UNC50: variants seen among roughly 807,000 people sequenced by gnomAD.
UNC50 encodes unc-50 inner nuclear membrane RNA binding protein.
Under a neutral mutation model 31.5 loss-of-function variants are expected in UNC50, and 24 were observed. The observed-to-expected ratio is 0.76, with a 90% CI of 0.55 to 1.07. UNC50 has a LOEUF of 1.07. Ranked by LOEUF, UNC50 falls within the 50% of genes least tolerant of loss-of-function variation. The probability of loss-of-function intolerance (pLI) is 0.00; values close to 1 mark genes in which losing one functional copy is unlikely to be tolerated. For synonymous variants in UNC50, 118 were observed against 114.7 expected (o/e 1.03, Z -0.18); for missense variants, 245 against 304.2 (o/e 0.81, Z 1.45).
chr2:98,608,929 T>G, intron 1 of UNC50: 1 of 213,340 alleles, frequency 4.7e-6, no homozygotes, highest in South Asian at 5.9e-5. Flanking sequence ...GAGCATTTAG[T>G]ATAAGCATGT....
chr2:98,617,697 T>G (rs558398848), intron 5 of UNC50, among the ~76,000 whole-genome samples: 2 of 152,302 alleles, frequency 1.3e-5, no homozygotes, highest in East Asian at 3.9e-4. Flanking sequence ...CCTGGGCTAC[T>G]AGTTGAGCTC....
chr2:98,609,965 A>T lies in UNC50; in HGVS notation c.206A>T (p.Tyr69Phe). Residue 69 changes from tyrosine (Y) to phenylalanine (F), a missense_variant, in exon 2 of 6, where the codon TAT becomes TTT. Physicochemically the swap from Tyr to Phe is conservative, Grantham distance 22. Transcript: ENST00000357765. ...SPQRVYRNFH[Y>F]RKQTKDQWAR... is the part of the protein sequence containing the mutation. ...CAGAGAGTTTACAGAAATTTTCATTATCGAAAACAGACGAAGGACCAGTGG... is the reference window on the plus strand; with the variant it reads ...CAGAGAGTTTACAGAAATTTTCATTTTCGAAAACAGACGAAGGACCAGTGG... 6.2e-7 allele frequency: 1 copy of T among 1,614,232 alleles called. No individual in the cohort carries two copies. The highest frequency in any genetic ancestry group is 1.1e-5 in the South Asian group (1 of 91,088).
chr2:98,618,138 T>TTTTA, intron 5 of UNC50, 30 bp from the exon 6 acceptor site: 1 of 1,465,988 alleles, frequency 6.8e-7, no homozygotes, highest in Non-Finnish European at 9.0e-7. Context: ...TTTTTTTTTT[T>TTTTA]AAATCAGTTT....
At chr2:98,614,578 C>A (rs975300749) in intron 3 of UNC50, among the ~76,000 whole-genome samples, 1 of 152,122 alleles carries the variant, frequency 6.6e-6, no homozygotes, top group African/African-American at 2.4e-5. Context: ...AACCACAGTG[C>A]CTTGGAGTGC....
intron 5 of UNC50, among the ~76,000 whole-genome samples, chr2:98,616,774 C>T (rs972750319): frequency 2.0e-5 from 3 of 152,154 alleles, no homozygotes; most frequent in Admixed American, 6.5e-5. Flanking sequence ...AATGGCCTAG[C>T]TGGTATATAA....
At chr2:98,612,961 G>C (rs1012077600) in intron 3 of UNC50, among the ~76,000 whole-genome samples, 2 of 152,194 alleles carry the variant, frequency 1.3e-5, no homozygotes, top group Non-Finnish European at 2.9e-5. Context: ...GGCATATGCT[G>C]CTGGAAAAAT....
intron 5 of UNC50, among the ~76,000 whole-genome samples, chr2:98,617,357 TA>T: frequency 6.6e-6 from 1 of 152,296 alleles, no homozygotes; most frequent in Middle Eastern, 3.4e-3. Flanking sequence ...AGGGAACACT[TA>T]ACCCCTTCAT....
intron 5 of UNC50, among the ~76,000 whole-genome samples, chr2:98,617,637 A>ATAT (rs1306416185): frequency 3.3e-5 from 5 of 152,204 alleles, no homozygotes; most frequent in African/African-American, 1.2e-4. Flanking sequence ...AGAAACATCA[A>ATAT]TATTTGGAGC....
chr2:98,609,709 A>AAG (rs1700789011), intron 1 of UNC50, 47 bp from the exon 2 acceptor site: 1 of 1,609,812 alleles, frequency 6.2e-7, no homozygotes, highest in African/African-American at 1.3e-5. Context: ...CGGTAGCCAA[A>AAG]TGTTTCTTCA....
chr2:98,611,712 A>G (rs1700831959), intron 3 of UNC50, among the ~76,000 whole-genome samples: 1 of 152,196 alleles, frequency 6.6e-6, no homozygotes, highest in Admixed American at 6.5e-5. Context: ...TTGCAAAAAT[A>G]TTACAGATTT....
chr2:98,611,308 T>G (rs1192842529), intron 3 of UNC50, among the ~76,000 whole-genome samples: 1 of 152,202 alleles, frequency 6.6e-6, no homozygotes, highest in East Asian at 1.9e-4. Context: ...ATGTGTAAAA[T>G]GTACATTGTT....
Position 98,618,302 on chromosome 2 carries a change from TAA to T in UNC50, c.*2_*3del. The T allele has an allele frequency of 6.3e-7, 1 of 1,588,740 alleles. No individual in the cohort carries two copies. Among genetic ancestry groups the T allele is most frequent in the Non-Finnish European group, 8.5e-7 (1 of 1,172,824 alleles). Reference sequence around the variant, plus strand: ...TTCTTTCTATAAGTACAGAGTGAAATAAAAAGTGAGAAGAAGATTCAATCGTA... The same window carrying T: ...TTCTTTCTATAAGTACAGAGTGAAATAAAGTGAGAAGAAGATTCAATCGTA... ...LCSFYKYRVK* is the reference protein window; with the variant it reads ...LCSFYKYRVKX On this transcript the variant is annotated frameshift_variant and stop_lost, in exon 6 of 6. Transcript: ENST00000357765. LOFTEE classifies it high-confidence loss of function.
In UNC50 at chr2:98,618,179, T is replaced by C. The variant is rs1471650013; in HGVS notation, c.655T>C (p.Leu219=). ...CCTTTCTTTTCCAGCATTGCCATTT[T>C]TGAAAAATACAGTAATTCTTCTGTA... is the stretch of plus-strand genomic sequence containing the variant. ...TFLGYSALPF[L]KNTVILLYPF... Residue 219 remains leucine (L), a synonymous_variant, in exon 6 of 6, where the codon TTG becomes CTG. Coordinates refer to ENST00000357765, the MANE Select transcript of UNC50 (RefSeq NM_014044.7). 3.8e-6 allele frequency: 6 copies of C among 1,575,442 alleles called. No homozygotes were observed. The African/African-American group carries it at 6.8e-5, about 18-fold the overall frequency.
rs1187501124 is a variant in UNC50, at chr2:98,618,213, C to T, written c.689C>T (p.Ala230Val). The change falls in exon 6 of 6, where the codon GCA (alanine) becomes GTA (valine). Residue 230 changes from alanine to valine, a missense_variant. By Grantham distance (64) the Ala-to-Val change is moderately conservative. Coordinates refer to ENST00000357765, the MANE Select transcript of UNC50 (RefSeq NM_014044.7). ...KNTVILLYPF[A>V]PLILLYGLSL... ...ACAGTAATTCTTCTGTATCCATTTG[C>T]ACCTCTGATTCTGCTCTACGGGCTT... 1 of 1,610,658 alleles carries T rather than the reference C, an allele frequency of 6.2e-7. No individual in the cohort carries two copies. The highest frequency in any genetic ancestry group is 1.3e-5 in the African/African-American group (1 of 74,534).
Position 98,613,906 on chromosome 2 carries a change from GGAATA to G in UNC50, c.402-2299_402-2295del, listed in dbSNP as rs1700878798. 2.0e-5 allele frequency among the ~76,000 whole-genome samples: 3 copies of G among 152,228 alleles called. No homozygotes were observed. The South Asian group carries it at 6.2e-4, about 32-fold the overall frequency. On this transcript the variant is annotated intron_variant, in intron 3 of 5. Coordinates refer to ENST00000357765, the MANE Select transcript of UNC50 (RefSeq NM_014044.7). ...ATAAGGTGGTGGTTTGTGGAGATGGGGAATAGTTGACTCCTGGTGCTGGGAATTGC... is the reference window on the plus strand; with the variant it reads ...ATAAGGTGGTGGTTTGTGGAGATGGGGTTGACTCCTGGTGCTGGGAATTGC...
At position 98,618,481 on chromosome 2, in the gene UNC50, T is replaced by TTAGTACATTCCTTAAAACTAATTAAATTA. The variant is rs1416830653; in HGVS notation, c.*177_*178insTAGTACATTCCTTAAAACTAATTAAATTA. 1.3e-5 allele frequency: 6 copies of TTAGTACATTCCTTAAAACTAATTAAATTA among 465,526 alleles called. No homozygotes were observed. The highest frequency in any genetic ancestry group is 3.7e-5 in the East Asian group (1 of 27,234). 28.8% of individuals were successfully genotyped at this position (465,526 alleles called of 1,614,324 possible). On this transcript the variant is annotated 3_prime_UTR_variant, in exon 6 of 6. Coordinates refer to ENST00000357765, the MANE Select transcript of UNC50 (RefSeq NM_014044.7). ...GGTACATTCCTTAAAACTAATTAAA[T>TTAGTACATTCCTTAAAACTAATTAAATTA]GTACATTTCTATAATAAATATTTTT...
chr2:98,616,757 G>A (rs1700929043), intron 5 of UNC50, among the ~76,000 whole-genome samples: 1 of 152,200 alleles, frequency 6.6e-6, no homozygotes, highest in African/African-American at 2.4e-5. Context: ...TGGTCATGCA[G>A]CTAGAAAATG....
At chr2:98,614,240 G>A (rs1272334035) in intron 3 of UNC50, among the ~76,000 whole-genome samples, 1 of 152,222 alleles carries the variant, frequency 6.6e-6, no homozygotes, top group Non-Finnish European at 1.5e-5. Context: ...CGTAGGAGTA[G>A]AGGAGGCCCA....
At chr2:98,612,587 TTTAG>T (rs1403592662) in intron 3 of UNC50, among the ~76,000 whole-genome samples, 3 of 152,148 alleles carry the variant, frequency 2.0e-5, no homozygotes, top group African/African-American at 7.2e-5. Context: ...TTTTCATACT[TTTAG>T]TAGAGACAGG....
Sources: allele counts gnomAD v4.1 joint callset (sites outside exome capture counted in the v4.1 genomes callset), GRCh38; gene constraint gnomAD v4.1.1; transcripts MANE v1.5; gene names NCBI Gene and HGNC (gene_info 2026-07-23, HGNC 2026-07-21).